The following RAI2 variants were observed in gnomAD, a reference collection of about 807,000 sequenced individuals.
RAI2 encodes the protein retinoic acid induced 2, also known as retinoic acid-induced protein 2.
RAI2 carries 5 observed loss-of-function variants against 15.3 expected under a neutral mutation model. The ratio of observed to expected loss-of-function variants is 0.33; its 90% confidence interval spans 0.17 to 0.69. The LOEUF is 0.69. RAI2 is among the 30% of genes least tolerant of loss of function. The pLI is 0.69. For missense variants in RAI2, 424 were observed against 424.7 expected, an observed-to-expected ratio of 1.00 and a Z score of 0.01; for synonymous variants, 191 against 184.0, an observed-to-expected ratio of 1.04 and a Z score of -0.31.
At chrX:17,824,569 A>G (rs2067205820) in intron 1 of RAI2, among the ~76,000 whole-genome samples, 1 of 111,454 alleles carries the variant, frequency 9.0e-6, no homozygotes, top group Non-Finnish European at 1.9e-5. Context: ...AAAAAAAATC[A>G]CAGTAAGGCA....
chrX:17,816,420 G>A (rs1297870471), intron 1 of RAI2, among the ~76,000 whole-genome samples: 1 of 112,143 alleles, frequency 8.9e-6, no homozygotes, highest in Non-Finnish European at 1.9e-5. Flanking sequence ...TCCTGGTTGC[G>A]TGCAGAGAGC....
At chrX:17,818,987 A>T (rs1045614684) in intron 1 of RAI2, among the ~76,000 whole-genome samples, 1 of 112,023 alleles carries the variant, frequency 8.9e-6, no homozygotes, top group Admixed American at 9.3e-5. Flanking sequence ...TGGCTATCAC[A>T]GTGTGATTCA....
At chrX:17,823,949 C>T (rs1468625743) in intron 1 of RAI2, among the ~76,000 whole-genome samples, 1 of 111,578 alleles carries the variant, frequency 9.0e-6, no homozygotes, top group Non-Finnish European at 1.9e-5. Context: ...CAATTCTCTT[C>T]AAAGAGACAA....
chrX:17,826,705 G>C (rs1386682485), intron 1 of RAI2, among the ~76,000 whole-genome samples: 1 of 111,820 alleles, frequency 8.9e-6, no homozygotes, highest in Non-Finnish European at 1.9e-5. Flanking sequence ...GTCAAGGGAG[G>C]GACCTGGTGG....
chrX:17,831,446 T>C, intron 1 of RAI2, among the ~76,000 whole-genome samples: 1 of 112,113 alleles, frequency 8.9e-6, no homozygotes, highest in Admixed American at 9.5e-5. Context: ...TACTTACAAG[T>C]ACATGCTGTT....
rs748470886 is a variant in RAI2, at chrX:17,800,834, C to T, written c.1177G>A (p.Glu393Lys). ...EISFAPATSHEAPAMMDSHIS... is the reference protein window; with the variant it reads ...EISFAPATSHKAPAMMDSHIS... ...TGACTATCCATCATGGCTGGGGCCTCATGGGACGTGGCAGGGGCAAAAGAA... is the reference window on the plus strand; with the variant it reads ...TGACTATCCATCATGGCTGGGGCCTTATGGGACGTGGCAGGGGCAAAAGAA... Residue 393 changes from glutamate (E) to lysine (K), a missense_variant, in exon 2 of 2, where the codon GAG becomes AAG. Coordinates refer to ENST00000451717, the MANE Select transcript of RAI2 (RefSeq NM_021785.6). 29 of 1,211,567 alleles carry T rather than the reference C, an allele frequency of 2.4e-5. No individual in the cohort carries two copies. The highest frequency in any genetic ancestry group is 2.9e-5 in the Non-Finnish European group (26 of 895,437).
intron 1 of RAI2, among the ~76,000 whole-genome samples, chrX:17,846,676 C>G (rs1356886803): frequency 1.8e-5 from 2 of 111,362 alleles, no homozygotes; most frequent in Non-Finnish European, 3.8e-5. Flanking sequence ...TTTCTGACTA[C>G]TCACCTAGGC....
At chrX:17,803,936 C>CTT (rs11448927) in intron 1 of RAI2, among the ~76,000 whole-genome samples, 4,187 of 99,981 alleles carry the variant, frequency 0.042, 261 homozygotes, top group African/African-American at 0.14. Context: ...TCCAACATGC[C>CTT]TTTTTTTTTT....
chrX:17,808,566 C>T (rs1012254892), intron 1 of RAI2, among the ~76,000 whole-genome samples: 1 of 111,396 alleles, frequency 9.0e-6, no homozygotes, highest in Non-Finnish European at 1.9e-5. Context: ...CCTTCTCAAT[C>T]GCCCATCTTC....
chrX:17,859,694 C>T (rs2067663016), intron 1 of RAI2, among the ~76,000 whole-genome samples: 1 of 112,589 alleles, frequency 8.9e-6, no homozygotes, highest in African/African-American at 3.2e-5. Flanking sequence ...TGCCGCAAGC[C>T]GCCCCTCAAA....
chrX:17,842,380 G>A (rs1045666039), intron 1 of RAI2, among the ~76,000 whole-genome samples: 25 of 111,408 alleles, frequency 2.2e-4, no homozygotes, highest in African/African-American at 7.5e-4. Flanking sequence ...ATAAACTGTC[G>A]TCATTCATTC....
At chrX:17,849,750 T>C (rs148595197) in intron 1 of RAI2, among the ~76,000 whole-genome samples, 1,433 of 112,616 alleles carry the variant, frequency 0.013, 19 homozygotes, top group African/African-American at 0.043. Flanking sequence ...GGATAAGTAG[T>C]AGTGTAATTC....
chrX:17,822,886 T>G (rs2067183340), intron 1 of RAI2, among the ~76,000 whole-genome samples: 1 of 112,636 alleles, frequency 8.9e-6, no homozygotes, highest in African/African-American at 3.2e-5. Context: ...TGAATGATTC[T>G]CTTCCTAAGC....
rs1353977978 is a variant in RAI2 at position 17,800,181 on chromosome X, C to CA, written c.*236dup. On this transcript the variant is annotated 3_prime_UTR_variant, in exon 2 of 2. Coordinates refer to ENST00000451717, the MANE Select transcript of RAI2 (RefSeq NM_021785.6). ...TTCACCCAATATTCCATTAAAGCTG[C>CA]AAAAAATGTGCAATCTGCTTGAAAA... is the stretch of plus-strand genomic sequence containing the variant. 3.6e-5 allele frequency: 13 copies of CA among 365,050 alleles called. No individual in the cohort carries two copies. The highest frequency in any genetic ancestry group is 4.6e-5 in the East Asian group (1 of 21,732). The allele number at this position is 365,050 out of a possible 1,213,427, so 30.1% of individuals were successfully genotyped here. A position where few individuals can be genotyped will look rare whatever the true frequency, so the allele number is the denominator to read the frequency against.
intron 1 of RAI2, among the ~76,000 whole-genome samples, chrX:17,802,919 G>A (rs1673544959): frequency 8.9e-6 from 1 of 111,820 alleles, no homozygotes; most frequent in African/African-American, 3.3e-5. Context: ...GCTTCCTGGT[G>A]GAAGCAGGGC....
intron 1 of RAI2, among the ~76,000 whole-genome samples, chrX:17,817,604 A>G (rs2067121517): frequency 8.9e-6 from 1 of 112,634 alleles, no homozygotes; most frequent in South Asian, 3.6e-4. Context: ...ACAGCTGCTC[A>G]GGTGGCCCTC....
chrX:17,855,756 A>C (rs1296604369), intron 1 of RAI2, among the ~76,000 whole-genome samples: 1 of 112,332 alleles, frequency 8.9e-6, no homozygotes, highest in African/African-American at 3.2e-5. Flanking sequence ...TTTTGTAGTC[A>C]CATTTAAAAA....
At position 17,800,923 on chromosome X, in the gene RAI2, C is replaced by A; in HGVS notation, c.1088G>T (p.Ser363Ile). 8.3e-7 allele frequency: 1 copy of A among 1,211,361 alleles called. No individual in the cohort carries two copies. Among genetic ancestry groups the A allele is most frequent in the Non-Finnish European group, 1.1e-6 (1 of 895,197 alleles). ...ACCTGAGCTGTCCACTGATGCACCA[C>A]TGTCATACAGTGTCTCAGGGGGAGG... is the stretch of plus-strand genomic sequence containing the variant. ...SEPPPETLYD[S>I]GASVDSSGHT... The change falls in exon 2 of 2, where the codon AGT becomes ATT. Residue 363 changes from serine (S) to isoleucine (I), a missense_variant. Physicochemically the swap from Ser to Ile is moderately radical, Grantham distance 142. Transcript: ENST00000451717.
chrX:17,849,794 G>A (rs2067506590), intron 1 of RAI2, among the ~76,000 whole-genome samples: 1 of 112,873 alleles, frequency 8.9e-6, no homozygotes, highest in African/African-American at 3.2e-5. Flanking sequence ...AGGCCAGAAA[G>A]GTGGTATCCT....
Sources: allele counts gnomAD v4.1 joint callset (sites outside exome capture counted in the v4.1 genomes callset), GRCh38; gene constraint gnomAD v4.1.1; transcripts MANE v1.5; gene names NCBI Gene and HGNC (gene_info 2026-07-23, HGNC 2026-07-21).